PITPNC1: variants seen among roughly 807,000 people sequenced by gnomAD.
PITPNC1 encodes cytoplasmic phosphatidylinositol transfer protein 1.
In PITPNC1, 18 loss-of-function variants were observed where a neutral mutation model predicts 44.7. The ratio of observed to expected loss-of-function variants is 0.40; its 90% CI spans 0.28 to 0.60. The LOEUF is 0.60. Ranked by LOEUF, PITPNC1 falls within the 20% of genes least tolerant of loss-of-function variation. The pLI is 0.39. For missense variants in PITPNC1, 290 were observed against 418.4 expected (o/e 0.69, Z 2.68); for synonymous variants, 141 against 149.6 (o/e 0.94, Z 0.42).
chr17:67,499,376 G>A (rs1006380583), intron 1 of PITPNC1, among the ~76,000 whole-genome samples: 3 of 151,524 alleles, frequency 2.0e-5, no homozygotes. Flanking sequence ...CACCATGCCC[G>A]TGTAATTTTT....
chr17:67,662,341 C>A (rs2042361318), intron 6 of PITPNC1, among the ~76,000 whole-genome samples: 2 of 150,516 alleles, frequency 1.3e-5, no homozygotes, highest in Admixed American at 1.3e-4. Context: ...GTAATCCCAG[C>A]TACTTGGGAG....
At chr17:67,398,093 CA>C (rs534488396) in intron 1 of PITPNC1, among the ~76,000 whole-genome samples, 1,813 of 97,820 alleles carry the variant, frequency 0.019, 32 homozygotes, top group African/African-American at 0.049. Context: ...ACTCCGTCTC[CA>C]AAAAAAAAAA....
chr17:67,467,359 C>CT (rs201377569), intron 1 of PITPNC1, among the ~76,000 whole-genome samples: 43 of 151,570 alleles, frequency 2.8e-4, no homozygotes, highest in East Asian at 7.7e-4. Flanking sequence ...CCGCTGGAGA[C>CT]TTTTTTTTTC....
At chr17:67,520,428 G>C (rs564623859) in intron 1 of PITPNC1, among the ~76,000 whole-genome samples, 37 of 152,318 alleles carry the variant, frequency 2.4e-4, no homozygotes, top group African/African-American at 8.7e-4. Flanking sequence ...GGTCAGACTT[G>C]TCAGCAAACC....
chr17:67,580,601 A>C (rs909888270), intron 5 of PITPNC1, among the ~76,000 whole-genome samples: 2 of 152,180 alleles, frequency 1.3e-5, no homozygotes, highest in African/African-American at 4.8e-5. Context: ...TTGGCCTCCC[A>C]AAGTGCTGGG....
intron 5 of PITPNC1, among the ~76,000 whole-genome samples, chr17:67,603,732 C>T (rs1453925730): frequency 5.3e-5 from 8 of 152,100 alleles, no homozygotes. Context: ...GAGTTTGAGA[C>T]CAGCCTGGCC....
intron 2 of PITPNC1, among the ~76,000 whole-genome samples, chr17:67,537,068 C>T (rs1386123435): frequency 6.6e-6 from 1 of 152,080 alleles, no homozygotes; most frequent in East Asian, 1.9e-4. Context: ...GAATAAAATA[C>T]CTCAGAGAAA....
chr17:67,414,499 T>A (rs1438875090), intron 1 of PITPNC1, among the ~76,000 whole-genome samples: 3 of 151,974 alleles, frequency 2.0e-5, no homozygotes, highest in African/African-American at 4.8e-5. Context: ...TATACATATG[T>A]AAAATTCTAA....
intron 2 of PITPNC1, among the ~76,000 whole-genome samples, chr17:67,533,535 C>T (rs1205232661): frequency 3.9e-5 from 6 of 152,166 alleles, no homozygotes; most frequent in Non-Finnish European, 8.8e-5. Flanking sequence ...GACTTTGTCT[C>T]ATCCCTTGGT....
chr17:67,423,313 T>C (rs888101351), intron 1 of PITPNC1, among the ~76,000 whole-genome samples: 5 of 152,174 alleles, frequency 3.3e-5, no homozygotes, highest in African/African-American at 1.2e-4. Context: ...TGACAGATAT[T>C]GGAAACATGG....
chr17:67,500,970 G>A (rs1053462507), intron 1 of PITPNC1, among the ~76,000 whole-genome samples: 5 of 151,940 alleles, frequency 3.3e-5, no homozygotes, highest in East Asian at 1.9e-4. Context: ...AATTAAAGAC[G>A]TGAGCCACTG....
At chr17:67,671,118 C>G (rs1243653204) in intron 7 of PITPNC1, among the ~76,000 whole-genome samples, 1 of 152,152 alleles carries the variant, frequency 6.6e-6, no homozygotes, top group Non-Finnish European at 1.5e-5. Context: ...GATCTCTTGA[C>G]CTCCTGATCT....
intron 1 of PITPNC1, among the ~76,000 whole-genome samples, chr17:67,481,981 G>A (rs978990218): frequency 1.3e-5 from 2 of 152,160 alleles, no homozygotes. Flanking sequence ...GCTTTGTTGA[G>A]CTACCAGGAT....
intron 1 of PITPNC1, among the ~76,000 whole-genome samples, chr17:67,516,323 C>T (rs2040257665): frequency 6.6e-6 from 1 of 152,180 alleles, no homozygotes; most frequent in Admixed American, 6.5e-5. Context: ...GTTCAAGTCC[C>T]AGCTCTACTA....
At chr17:67,505,673 T>A (rs556335285) in intron 1 of PITPNC1, among the ~76,000 whole-genome samples, 1 of 152,116 alleles carries the variant, frequency 6.6e-6, no homozygotes, top group Non-Finnish European at 1.5e-5. Flanking sequence ...GATGGGGTTT[T>A]ACCGTGTTAG....
At chr17:67,468,724 T>C (rs1450166579) in intron 1 of PITPNC1, among the ~76,000 whole-genome samples, 1 of 126,700 alleles carries the variant, frequency 7.9e-6, no homozygotes, top group Non-Finnish European at 1.6e-5. Context: ...TGAGACGGAG[T>C]CTTGTTCTGT....
chr17:67,408,729 C>CTTTCTTT lies in PITPNC1; in HGVS notation c.48+30527_48+30528insTTTCTTT, dbSNP rs1567978458. 468 of 131,302 alleles carry CTTTCTTT rather than the reference C, an allele frequency of 3.6e-3. 4 individuals carry two copies. The highest frequency in any genetic ancestry group is 0.013 in the African/African-American group (433 of 32,870). 8.1% of individuals were successfully genotyped at this position (131,302 alleles called of 1,614,324 possible). A position where few individuals can be genotyped will look rare whatever the true frequency, so the allele number is the denominator to read the frequency against. On this transcript the variant is annotated intron_variant, in intron 1 of 8. Coordinates refer to ENST00000581322, the MANE Select transcript of PITPNC1 (RefSeq NM_012417.4). ...TCCTTCCTTCCTTCCTTCCTTCCTTCCTTTCTTTCTTTCTCTCTTTCTTTC... is the reference window on the plus strand; with the variant it reads ...TCCTTCCTTCCTTCCTTCCTTCCTTCTTTCTTTCTTTCTTTCTTTCTCTCTTTCTTTC...
intron 1 of PITPNC1, among the ~76,000 whole-genome samples, chr17:67,443,408 A>G (rs1016617482): frequency 3.5e-5 from 5 of 141,984 alleles, no homozygotes; most frequent in Non-Finnish European, 6.2e-5. Context: ...GTTCGTTTCC[A>G]CTCAATTCAT....
At chr17:67,424,725 A>T (rs900578490) in intron 1 of PITPNC1, among the ~76,000 whole-genome samples, 3 of 151,892 alleles carry the variant, frequency 2.0e-5, no homozygotes, top group Non-Finnish European at 4.4e-5. Context: ...TCATGCAGTC[A>T]ATAAGTAGGT....
Sources: allele counts gnomAD v4.1 joint callset (sites outside exome capture counted in the v4.1 genomes callset), GRCh38; gene constraint gnomAD v4.1.1; transcripts MANE v1.5; gene names NCBI Gene and HGNC (gene_info 2026-07-23, HGNC 2026-07-21).